The following SIAE variants were observed in gnomAD, a reference collection of about 807,000 sequenced individuals.
SIAE encodes the protein sialic acid acetylesterase, also known as sialate O-acetylesterase.
Under a neutral mutation model 52.6 loss-of-function variants are expected in SIAE, and 39 were observed. That is an observed-to-expected ratio of 0.74 (90% CI 0.57 to 0.97). SIAE has a LOEUF of 0.97. SIAE is among the 50% of genes least tolerant of loss of function. The pLI, the probability that SIAE is intolerant of heterozygous loss-of-function variation, is 0.00. For missense variants in SIAE, 592 were observed against 662.1 expected (o/e 0.89, Z 1.16); for synonymous variants, 233 against 241.4 (o/e 0.97, Z 0.32).
chr11:124,662,482 A>C (rs1943200844), intron 2 of SIAE, among the ~76,000 whole-genome samples: 1 of 152,208 alleles, frequency 6.6e-6, no homozygotes, highest in Non-Finnish European at 1.5e-5. Context: ...CTATTGCTAT[A>C]CAATTTATTC....
intron 2 of SIAE, among the ~76,000 whole-genome samples, chr11:124,663,298 C>T (rs1051671785): frequency 6.6e-6 from 1 of 150,890 alleles, no homozygotes; most frequent in African/African-American, 2.4e-5. Context: ...AAGGATTGGC[C>T]GGGCGCAGTG....
chr11:124,660,243 T>C (rs1943166177), intron 3 of SIAE: 2 of 307,868 alleles, frequency 6.5e-6, no homozygotes, highest in South Asian at 5.8e-5. Context: ...TGAGCTGAGA[T>C]TGCACCATTG....
At chr11:124,651,913 G>A (rs1002519066) in intron 4 of SIAE, among the ~76,000 whole-genome samples, 11 of 152,218 alleles carry the variant, frequency 7.2e-5, no homozygotes, top group African/African-American at 2.4e-4. Context: ...AGTAGGTAGA[G>A]GGGAGTGGTA....
intron 2 of SIAE, among the ~76,000 whole-genome samples, chr11:124,663,909 A>C (rs1943229739): frequency 6.6e-6 from 1 of 152,242 alleles, no homozygotes; most frequent in African/African-American, 2.4e-5. Context: ...GATAGAGATC[A>C]GCTTTCCCAA....
At position 124,636,927 on chromosome 11, in the gene SIAE, T is replaced by TAAG. The variant is rs778602250; in HGVS notation, c.*21_*23dup. On this transcript the variant is annotated 3_prime_UTR_variant, in exon 10 of 10. Transcript: ENST00000263593. ...AATCTGAAGGACCCATCCTTATATC[T>TAAG]AAGTTCTGATCATACTGAAACAGTC... 10 of 1,614,068 alleles carry TAAG rather than the reference T, an allele frequency of 6.2e-6. No homozygotes were observed. The highest frequency in any genetic ancestry group is 8.5e-6 in the Non-Finnish European group (10 of 1,180,046).
rs1265896738 is a variant in SIAE at position 124,635,324 on chromosome 11, G to T, written c.*1627C>A. ...AGTTGAATGCTAGGAAGTCCTCAGG[G>T]GAGCCAACGTTCCTTGTAAAGTGTG... On this transcript the variant is annotated 3_prime_UTR_variant, in exon 10 of 10. Transcript: ENST00000263593. 6.6e-6 allele frequency: 1 copy of T among 152,118 alleles called. No homozygotes were observed. Among genetic ancestry groups the T allele is most frequent in the Non-Finnish European group, 1.5e-5 (1 of 68,010 alleles). The allele number at this position is 152,118 out of a possible 1,614,324, so 9.4% of individuals were successfully genotyped here.
chr11:124,673,863 G>T, upstream of SIAE: 1 of 690,358 alleles, frequency 1.4e-6, no homozygotes. Context: ...CTCGGCCGCC[G>T]TAGTTTTTTT....
At chr11:124,669,707 C>G in intron 1 of SIAE, 186 bp from the exon 2 acceptor site, 1 of 640,574 alleles carries the variant, frequency 1.6e-6, no homozygotes, top group Non-Finnish European at 2.8e-6. Context: ...AGAACAGTTT[C>G]CAACAGTATG....
chr11:124,648,216 G>A (rs1282277114), intron 5 of SIAE, 41 bp from the exon 6 acceptor site: 1 of 1,492,094 alleles, frequency 6.7e-7, no homozygotes, highest in Non-Finnish European at 9.3e-7. Context: ...GAGAGCCAGT[G>A]ATTGATCACA....
chr11:124,672,357 G>T (rs1345658168), intron 1 of SIAE, among the ~76,000 whole-genome samples: 1 of 152,178 alleles, frequency 6.6e-6, no homozygotes, highest in Non-Finnish European at 1.5e-5. Context: ...CAATAGACTG[G>T]CAATGTTCTA....
At chr11:124,666,386 T>C (rs990007325) in intron 2 of SIAE, among the ~76,000 whole-genome samples, 2 of 152,218 alleles carry the variant, frequency 1.3e-5, no homozygotes, top group African/African-American at 4.8e-5. Context: ...CTATGAAATT[T>C]CTTACATGTC....
chr11:124,637,653 A>G (rs1261445808), intron 9 of SIAE, among the ~76,000 whole-genome samples: 2 of 152,222 alleles, frequency 1.3e-5, no homozygotes, highest in Non-Finnish European at 2.9e-5. Context: ...CCAGAAGGCA[A>G]TCCAGAAATG....
intron 4 of SIAE, among the ~76,000 whole-genome samples, chr11:124,652,426 G>T (rs574224372): frequency 3.4e-4 from 51 of 152,192 alleles, no homozygotes; most frequent in Non-Finnish European, 4.4e-4. Flanking sequence ...GGTGGCTCAC[G>T]CCTGTAATCC....
chr11:124,650,706 T>C (rs1033695333), intron 4 of SIAE, among the ~76,000 whole-genome samples: 2 of 151,698 alleles, frequency 1.3e-5, no homozygotes, highest in Non-Finnish European at 2.9e-5. Context: ...CTGGGAGGCA[T>C]AGGTTGCAGT....
chr11:124,660,725 A>G lies in SIAE; in HGVS notation c.308T>C (p.Leu103Ser), dbSNP rs972420113. Residue 103 changes from leucine to serine, a missense_variant, in exon 3 of 10, where the codon TTG (leucine) becomes TCG (serine). Coordinates refer to ENST00000263593, the MANE Select transcript of SIAE (RefSeq NM_170601.5). ...TCTCAGGGTGAAGTTTATTTTCTCC[A>G]AAGTCTGTTGTGCCATCACTTCGAA... ...GPFEVMAQQT[L>S]EKINFTLRVH... 1.4e-5 allele frequency: 23 copies of G among 1,614,100 alleles called. No individual in the cohort carries two copies. The highest frequency in any genetic ancestry group is 1.8e-5 in the Non-Finnish European group (21 of 1,180,052).
chr11:124,647,221 G>T, intron 7 of SIAE, 144 bp downstream of exon 7: 1 of 1,104,898 alleles, frequency 9.1e-7, no homozygotes, highest in Non-Finnish European at 1.3e-6. Context: ...TTCTTGACCA[G>T]CACATTATGA....
intron 7 of SIAE, among the ~76,000 whole-genome samples, chr11:124,642,505 A>G (rs1479674376): frequency 6.6e-6 from 1 of 152,186 alleles, no homozygotes; most frequent in Non-Finnish European, 1.5e-5. Context: ...CACTGGAGAA[A>G]AATATAATAG....
intron 3 of SIAE, among the ~76,000 whole-genome samples, chr11:124,655,339 C>T (rs997774296): frequency 6.6e-6 from 1 of 152,122 alleles, no homozygotes; most frequent in Non-Finnish European, 1.5e-5. Context: ...CCATGCCCAG[C>T]TAATTTTTTA....
intron 8 of SIAE, 119 bp from the exon 9 acceptor site, chr11:124,638,856 T>A: frequency 3.7e-6 from 3 of 802,880 alleles, no homozygotes; most frequent in Non-Finnish European, 6.1e-6. Flanking sequence ...TTGACTGAAC[T>A]CTGTGATCAG....
Sources: gnomAD v4.1 joint callset for allele counts (sites outside exome capture counted in the v4.1 genomes callset) on GRCh38, gnomAD v4.1.1 for gene constraint, MANE v1.5 for transcripts, NCBI Gene and HGNC (gene_info 2026-07-23, HGNC 2026-07-21) for gene names.